Variants in NAV2 observed in about 807,000 individuals in gnomAD.
The protein encoded by NAV2 is neuron navigator 2.
NAV2 carries 54 observed loss-of-function variants against 223.2 expected under a neutral mutation model. The observed-to-expected ratio is 0.24, with a 90% CI of 0.19 to 0.30. NAV2 has a LOEUF of 0.30. Among genes scored for constraint, NAV2 ranks in the 10% least tolerant of loss-of-function variants. NAV2 has a pLI of 1.00. For synonymous variants in NAV2, 1,279 were observed against 1,239.3 expected (o/e 1.03, Z -0.67); for missense variants, 2,806 against 3,147.5 (o/e 0.89, Z 2.60).
intron 22 of NAV2, among the ~76,000 whole-genome samples, chr11:20,074,760 C>CCTCTTTTTTTTTTTTTTTTTTTTTTT (rs56895607): frequency 9.1e-6 from 1 of 110,262 alleles, no homozygotes; most frequent in Admixed American, 9.5e-5. Flanking sequence ...TGCAACTCTG[C>CCTCTTTTTTTTTTTTTTTTTTTTTTT]TTTTTTTTTT....
chr11:19,986,136 A>G (rs1322151511), intron 11 of NAV2, among the ~76,000 whole-genome samples: 1 of 152,226 alleles, frequency 6.6e-6, no homozygotes, highest in African/African-American at 2.4e-5. Context: ...TCATTGTAAG[A>G]TTAATGGGAT....
At chr11:19,654,119 C>A (rs1006107630) in intron 1 of NAV2, among the ~76,000 whole-genome samples, 6 of 152,210 alleles carry the variant, frequency 3.9e-5, no homozygotes, top group African/African-American at 1.4e-4. Flanking sequence ...AGAGCCAAAT[C>A]ATGAGTGAAC....
intron 1 of NAV2, among the ~76,000 whole-genome samples, chr11:19,830,578 G>A (rs181348155): frequency 1.3e-4 from 20 of 152,290 alleles, no homozygotes; most frequent in African/African-American, 4.6e-4. Context: ...GCATGTAGTA[G>A]GCACTGTATG....
intron 1 of NAV2, among the ~76,000 whole-genome samples, chr11:19,676,035 C>G (rs1243012609): frequency 1.3e-5 from 2 of 152,154 alleles, no homozygotes; most frequent in African/African-American, 2.4e-5. Context: ...CACTAAGGCC[C>G]TTTGGTGCCA....
At position 20,049,125 on chromosome 11, in the gene NAV2, G is replaced by T; in HGVS notation, c.4300G>T (p.Ala1434Ser). 1 of 1,613,870 alleles carries T rather than the reference G, an allele frequency of 6.2e-7. No individual in the cohort carries two copies. The highest frequency in any genetic ancestry group is 8.5e-7 in the Non-Finnish European group (1 of 1,179,960). ...PSHNSSTGLIASSKDDSLTPF... is the reference protein window; with the variant it reads ...PSHNSSTGLISSSKDDSLTPF... ...CCACAATTCTTCCACTGGCCTCATC[G>T]CCTCCTCCAAGGACGACTCCTTGAC... is the stretch of plus-strand genomic sequence containing the variant. Residue 1434 changes from alanine (A) to serine (S), a missense_variant, in exon 15 of 38, where the codon GCC becomes TCC. By Grantham distance (99) the Ala-to-Ser change is moderately conservative. Around this residue, in one of 4 missense-constraint regions of NAV2, gnomAD observed 742 missense variants for 777.9 expected, o/e 0.95. Transcript: ENST00000349880.
In NAV2 at chr11:20,116,435, C is replaced by T. The variant is rs182379250; in HGVS notation, c.7164+1640C>T. ...TGCAATATTTATAACAGTAGTCTTA[C>T]AAAGGAAAGAAGCATACTTTAAACA... On this transcript the variant is annotated intron_variant, in intron 37 of 37. Coordinates refer to ENST00000349880, the MANE Select transcript of NAV2 (RefSeq NM_145117.5). Among the ~76,000 whole-genome samples, 12 of 152,268 alleles carry T rather than the reference C, an allele frequency of 7.9e-5. No homozygotes were observed. The East Asian group carries it at 2.3e-3, about 29-fold the overall frequency.
chr11:19,703,165 G>C (rs2049559677), intron 1 of NAV2, among the ~76,000 whole-genome samples: 2 of 151,986 alleles, frequency 1.3e-5, no homozygotes, highest in South Asian at 4.1e-4. Context: ...GCATACCAAA[G>C]CTCTAATTTT....
In NAV2 at chr11:20,035,963, G is replaced by A. The variant is rs1362137364; in HGVS notation, c.2773G>A (p.Asp925Asn). ...GATGTGTGTTTGTCTTGGCAGCTGGGACGACAGCAGCTCCGTCAGCAGCGG... is the reference window on the plus strand; with the variant it reads ...GATGTGTGTTTGTCTTGGCAGCTGGAACGACAGCAGCTCCGTCAGCAGCGG... ...SLGLGDADSW[D>N]DSSSVSSGIS... Residue 925 changes from aspartate to asparagine, a missense_variant, in exon 12 of 38, where the codon GAC (aspartate) becomes AAC (asparagine). Asp to Asn is a conservative substitution (Grantham distance 23). Around this residue, in one of 4 missense-constraint regions of NAV2, gnomAD observed 73 missense variants for 119.7 expected, o/e 0.61. Coordinates refer to ENST00000349880, the MANE Select transcript of NAV2 (RefSeq NM_145117.5). 1.9e-6 allele frequency: 3 copies of A among 1,614,006 alleles called. No individual in the cohort carries two copies. Among genetic ancestry groups the A allele is most frequent in the South Asian group, 1.1e-5 (1 of 91,082 alleles).
rs2056612079 is a variant in NAV2 at position 20,038,516 on chromosome 11, T to C, written c.2907+2419T>C. On this transcript the variant is annotated intron_variant, in intron 12 of 37. Transcript: ENST00000349880. ...CCTGTCCAGGGAGCATCTCAAAATA[T>C]TTGAATCAGCATAATTCACAGGCTC... is the stretch of plus-strand genomic sequence containing the variant. Among the ~76,000 whole-genome samples, 3 of 152,330 alleles carry C rather than the reference T, an allele frequency of 2.0e-5. No individual in the cohort carries two copies. In the South Asian group the frequency reaches 6.2e-4, roughly 32 times the overall value.
intron 1 of NAV2, among the ~76,000 whole-genome samples, chr11:19,484,158 A>ACACACACACACC (rs1554945487): frequency 1.3e-5 from 2 of 149,968 alleles, no homozygotes; most frequent in East Asian, 2.0e-4. Context: ...ACACACACAC[A>ACACACACACACC]CCCCAAGTCT....
intron 16 of NAV2, 65 bp downstream of exon 16, chr11:20,049,966 C>T: frequency 1.3e-6 from 2 of 1,509,864 alleles, no homozygotes; most frequent in Admixed American, 3.3e-5. Flanking sequence ...CGTTGTCAAG[C>T]CAGATGTCTT....
At chr11:19,345,271 C>T in the NAV2 span, among the ~76,000 whole-genome samples, 10 of 152,202 alleles carry the variant, frequency 6.6e-5, no homozygotes, top group Admixed American at 6.5e-4. The surrounding 1 kb of genome is among the most constrained non-coding windows in gnomAD (Gnocchi z 5.2). Context: ...AGTGCGAGAC[C>T]GGCTGGAGGA....
intron 4 of NAV2, among the ~76,000 whole-genome samples, chr11:19,879,200 G>A (rs2063045084): frequency 6.6e-6 from 1 of 152,074 alleles, no homozygotes; most frequent in African/African-American, 2.4e-5. Flanking sequence ...CATACTTTGA[G>A]GCAAATGCAT....
chr11:19,491,183 TA>T (rs1762628993), intron 1 of NAV2, among the ~76,000 whole-genome samples: 1 of 152,110 alleles, frequency 6.6e-6, no homozygotes, highest in Non-Finnish European at 1.5e-5. Context: ...TTCAGGGTAG[TA>T]AATGGGCATT....
chr11:19,491,730 C>CT (rs1328716778), intron 1 of NAV2, among the ~76,000 whole-genome samples: 1 of 152,198 alleles, frequency 6.6e-6, no homozygotes, highest in African/African-American at 2.4e-5. Flanking sequence ...CCTTCAAAAG[C>CT]TTTTTCTTTG....
At chr11:19,556,644 G>A (rs548309628) in intron 1 of NAV2, among the ~76,000 whole-genome samples, 4 of 152,200 alleles carry the variant, frequency 2.6e-5, no homozygotes, top group Admixed American at 2.6e-4. Context: ...CAATATATGT[G>A]CTTCTTTTTA....
chr11:20,023,718 G>A (rs2054760101), intron 11 of NAV2, among the ~76,000 whole-genome samples: 1 of 151,820 alleles, frequency 6.6e-6, no homozygotes, highest in African/African-American at 2.4e-5. Flanking sequence ...GTGTGTGTGT[G>A]TGTGTGTGTG....
rs555694728 is a variant in NAV2, at chr11:19,607,628, CT to C, written c.76-224852del. Among the ~76,000 whole-genome samples, 8 of 152,326 alleles carry C rather than the reference CT, an allele frequency of 5.3e-5. No homozygotes were observed. In the South Asian group the frequency reaches 1.7e-3, roughly 32 times the overall value. ...CACTGTCTCCACTCATGGCTCAGCT[CT>C]TTTCCTTGTCAGTCTTGGAGTCTCT... On this transcript the variant is annotated intron_variant, in intron 1 of 37. Transcript: ENST00000360655.
chr11:19,810,305 T>C (rs1483182489), intron 1 of NAV2, among the ~76,000 whole-genome samples: 1 of 152,066 alleles, frequency 6.6e-6, no homozygotes. Context: ...TATGCCTACA[T>C]TTTGGCACTA....
Sources: allele counts gnomAD v4.1 joint callset (sites outside exome capture counted in the v4.1 genomes callset), GRCh38; gene constraint gnomAD v4.1.1; regional missense constraint gnomAD v4.1.1; non-coding constraint Gnocchi (gnomAD v3.1); transcripts MANE v1.5; gene names NCBI Gene and HGNC (gene_info 2026-07-23, HGNC 2026-07-21).